Variants in GALNT17 observed in about 807,000 individuals in gnomAD.
The protein encoded by GALNT17 is polypeptide N-acetylgalactosaminyltransferase 17.
Under a neutral mutation model 63.7 loss-of-function variants are expected in GALNT17, and 29 were observed. The observed-to-expected ratio is 0.46, with a 90% CI of 0.34 to 0.62. GALNT17 has a LOEUF of 0.62. Ranked by LOEUF, GALNT17 falls within the 20% of genes least tolerant of loss-of-function variation. GALNT17 has a pLI of 0.01. For missense variants in GALNT17, 603 were observed against 799.6 expected (o/e 0.75, Z 2.97); for synonymous variants, 305 against 318.3 (o/e 0.96, Z 0.45).
intron 5 of GALNT17, among the ~76,000 whole-genome samples, chr7:71,486,894 G>A (rs6965355): frequency 0.72 from 109,801 of 151,648 alleles, 41,973 homozygotes; most frequent in Non-Finnish European, 0.86. Flanking sequence ...CGCACTTCTT[G>A]CTCCTGCTGG....
At chr7:71,549,392 A>T (rs868588066) in intron 5 of GALNT17, among the ~76,000 whole-genome samples, 2 of 152,044 alleles carry the variant, frequency 1.3e-5, no homozygotes, top group South Asian at 4.2e-4. Context: ...ACATAGTAAG[A>T]CTCTGTCTCT....
intron 1 of GALNT17, among the ~76,000 whole-genome samples, chr7:71,145,851 G>A (rs772105637): frequency 2.6e-5 from 4 of 151,950 alleles, no homozygotes; most frequent in African/African-American, 7.3e-5. Flanking sequence ...GATTACAGGC[G>A]GCCGCCACCA....
intron 1 of GALNT17, among the ~76,000 whole-genome samples, chr7:71,297,945 G>A (rs549104456): frequency 1.3e-5 from 2 of 152,322 alleles, no homozygotes; most frequent in South Asian, 2.1e-4. Context: ...TTTTGTTGGG[G>A]ATGGGTCTTC....
Position 71,300,597 on chromosome 7 carries a change from C to T in GALNT17, c.239-34953C>T, listed in dbSNP as rs149806677. 17 of 315,506 alleles carry T rather than the reference C, an allele frequency of 5.4e-5. No homozygotes were observed. The East Asian group carries it at 5.6e-4, about 10-fold the overall frequency. 19.5% of individuals were successfully genotyped at this position (315,506 alleles called of 1,614,324 possible). On this transcript the variant is annotated intron_variant, in intron 1 of 10. Transcript: ENST00000333538. Reference sequence around the variant, plus strand: ...TTTTCTACACACACACATGCATGCGCGTGCACATACACACAACCACACACA... The same window carrying T: ...TTTTCTACACACACACATGCATGCGTGTGCACATACACACAACCACACACA...
chr7:71,477,823 A>G (rs1219370078), intron 5 of GALNT17, among the ~76,000 whole-genome samples: 2 of 152,218 alleles, frequency 1.3e-5, no homozygotes, highest in African/African-American at 4.8e-5. Context: ...CACCCTTCCC[A>G]ATGTCTATTC....
At chr7:71,485,978 CAAAT>C (rs1215873220) in intron 5 of GALNT17, among the ~76,000 whole-genome samples, 1 of 152,106 alleles carries the variant, frequency 6.6e-6, no homozygotes, top group East Asian at 1.9e-4. Flanking sequence ...GTTATTCAAA[CAAAT>C]AAAGCTCCAG....
chr7:71,625,407 A>G (rs1009695785), intron 6 of GALNT17, among the ~76,000 whole-genome samples: 1 of 151,838 alleles, frequency 6.6e-6, no homozygotes, highest in African/African-American at 2.4e-5. Context: ...TGGCCTCCCA[A>G]AGTGCTGGGA....
intron 1 of GALNT17, among the ~76,000 whole-genome samples, chr7:71,162,783 A>C (rs376078487): frequency 6.6e-6 from 1 of 152,224 alleles, no homozygotes; most frequent in Non-Finnish European, 1.5e-5. Context: ...AGAGAACTCC[A>C]CCAGACCCAG....
At position 71,591,675 on chromosome 7, in the gene GALNT17, G is replaced by GT. The variant is rs1167472254; in HGVS notation, c.1080+20278dup. On this transcript the variant is annotated intron_variant, in intron 6 of 10. Transcript: ENST00000333538. Reference sequence around the variant, plus strand: ...TGTTTGTTTGTTTGTTCGTTTGTTTGTTTTTGAGACAGAGTCTTGCTCTGT... The same window carrying GT: ...TGTTTGTTTGTTTGTTCGTTTGTTTGTTTTTTGAGACAGAGTCTTGCTCTGT... Among the ~76,000 whole-genome samples, 6 of 152,008 alleles carry GT rather than the reference G, an allele frequency of 3.9e-5. No homozygotes were observed. The East Asian group carries it at 1.2e-3, about 29-fold the overall frequency.
At chr7:71,325,339 G>A (rs560549655) in intron 1 of GALNT17, among the ~76,000 whole-genome samples, 1 of 152,316 alleles carries the variant, frequency 6.6e-6, no homozygotes, top group South Asian at 2.1e-4. Flanking sequence ...CCCAGTGGAA[G>A]ACGGGCTGCA....
intron 1 of GALNT17, among the ~76,000 whole-genome samples, chr7:71,239,917 T>A (rs1282798611): frequency 6.6e-6 from 1 of 152,224 alleles, no homozygotes; most frequent in African/African-American, 2.4e-5. Context: ...GGGAAGTGGT[T>A]GTTTGCAGAG....
chr7:71,672,588 G>C (rs572456310), intron 8 of GALNT17, among the ~76,000 whole-genome samples: 6 of 152,016 alleles, frequency 3.9e-5, no homozygotes, highest in African/African-American at 1.2e-4. Flanking sequence ...TTTTGAAACA[G>C]TCACCCAGGC....
intron 1 of GALNT17, among the ~76,000 whole-genome samples, chr7:71,192,516 C>T (rs1440243645): frequency 6.6e-6 from 1 of 151,976 alleles, no homozygotes; most frequent in Middle Eastern, 3.2e-3. Flanking sequence ...CCGCCTCAGC[C>T]TCCCAAGTAG....
chr7:71,318,147 C>G (rs143746525), intron 1 of GALNT17, among the ~76,000 whole-genome samples: 3 of 152,174 alleles, frequency 2.0e-5, no homozygotes, highest in Non-Finnish European at 1.5e-5. Flanking sequence ...CTCAAGTGAT[C>G]TTCCCACCTT....
At chr7:71,425,766 A>G (rs1480019243) in intron 5 of GALNT17, among the ~76,000 whole-genome samples, 4 of 152,072 alleles carry the variant, frequency 2.6e-5, no homozygotes, top group Non-Finnish European at 5.9e-5. Flanking sequence ...TGTGGTATGT[A>G]TTGTGGGTGC....
chr7:71,298,646 T>A (rs1216750647), intron 1 of GALNT17, among the ~76,000 whole-genome samples: 1 of 151,898 alleles, frequency 6.6e-6, no homozygotes, highest in Admixed American at 6.6e-5. Context: ...GGTAAAGGTG[T>A]GTTCAGGTCA....
At chr7:71,287,670 A>T (rs1444978867) in intron 1 of GALNT17, among the ~76,000 whole-genome samples, 1 of 152,172 alleles carries the variant, frequency 6.6e-6, no homozygotes, top group Non-Finnish European at 1.5e-5. Context: ...ATAAACCATC[A>T]ATTAACACAT....
intron 5 of GALNT17, among the ~76,000 whole-genome samples, chr7:71,526,041 C>G (rs571907244): frequency 1.3e-5 from 2 of 151,922 alleles, no homozygotes; most frequent in East Asian, 3.9e-4. Context: ...CGCCCGGCCT[C>G]GAGTATGTCG....
At chr7:71,375,285 A>ATT (rs1563045442) in intron 2 of GALNT17, among the ~76,000 whole-genome samples, 1 of 152,234 alleles carries the variant, frequency 6.6e-6, no homozygotes, top group Non-Finnish European at 1.5e-5. Context: ...GAACAGTAAA[A>ATT]GGAAAATCGG....
Sources: allele counts gnomAD v4.1 joint callset (sites outside exome capture counted in the v4.1 genomes callset), GRCh38; gene constraint gnomAD v4.1.1; transcripts MANE v1.5; gene names NCBI Gene and HGNC (gene_info 2026-07-23, HGNC 2026-07-21).